The following SLC6A15 variants were observed in gnomAD, a reference collection of about 807,000 sequenced individuals.
The protein encoded by SLC6A15 is solute carrier family 6 member 15.
SLC6A15 carries 33 observed loss-of-function variants against 68.5 expected under a neutral mutation model. The ratio of observed to expected loss-of-function variants is 0.48; its 90% confidence interval spans 0.37 to 0.64. The LOEUF is 0.64. SLC6A15 is among the 30% of genes least tolerant of loss of function. The pLI, the probability that SLC6A15 is intolerant of heterozygous loss-of-function variation, is 0.00. For missense variants in SLC6A15, 747 were observed against 874.3 expected, an observed-to-expected ratio of 0.85 and a Z score of 1.84; for synonymous variants, 347 against 301.0, an observed-to-expected ratio of 1.15 and a Z score of -1.58.
intron 10 of SLC6A15, among the ~76,000 whole-genome samples, chr12:84,864,602 G>C (rs1367421512): frequency 1.3e-5 from 2 of 151,974 alleles, no homozygotes; most frequent in Non-Finnish European, 2.9e-5. Flanking sequence ...TTACAGGCTT[G>C]AGCCACCACA....
intron 1 of SLC6A15, among the ~76,000 whole-genome samples, chr12:84,895,595 C>A (rs886220464): frequency 2.0e-5 from 3 of 151,936 alleles, no homozygotes; most frequent in African/African-American, 4.8e-5. Flanking sequence ...GATCCACCCA[C>A]CTCGGCCTCC....
At position 84,883,928 on chromosome 12, in the gene SLC6A15, G is replaced by T. The variant is rs369689918; in HGVS notation, c.687C>A (p.Thr229=). Reference sequence around the variant, plus strand: ...TGACCCAGGCAGCCAACAAGCAGATGGTCATCTTCCAGTTTAAGCCCCCAC... The same window carrying T: ...TGACCCAGGCAGCCAACAAGCAGATTGTCATCTTCCAGTTTAAGCCCCCAC... The part of the protein sequence containing the change: ...SESGGLNWKM[T]ICLLAAWVMV... The change falls in exon 5 of 12, where the codon ACC becomes ACA. Residue 229 remains threonine (T), a synonymous_variant. Transcript: ENST00000266682. The T allele has an allele frequency of 2.5e-6, 4 of 1,613,902 alleles. No individual in the cohort carries two copies. The highest frequency in any genetic ancestry group is 3.4e-6 in the Non-Finnish European group (4 of 1,179,982).
intron 9 of SLC6A15, among the ~76,000 whole-genome samples, chr12:84,868,679 G>A (rs1382398993): frequency 1.3e-5 from 2 of 152,068 alleles, no homozygotes; most frequent in Admixed American, 6.6e-5. Context: ...GGTCAAACAC[G>A]ACTACGATTT....
chr12:84,886,092 AG>A, intron 2 of SLC6A15, 24 bp from the exon 3 acceptor site: 1 of 1,505,760 alleles, frequency 6.6e-7, no homozygotes. Context: ...AACAAAAAAT[AG>A]ATTATATTTT....
At chr12:84,910,927 C>CTCTCTCTCTCTCT (rs1565736492) in intron 1 of SLC6A15, among the ~76,000 whole-genome samples, 7 of 129,060 alleles carry the variant, frequency 5.4e-5, no homozygotes, top group African/African-American at 2.4e-4. Context: ...CGCCCTCTTT[C>CTCTCTCTCTCTCT]CGTGTGTGTG....
intron 9 of SLC6A15, among the ~76,000 whole-genome samples, chr12:84,868,976 T>C (rs1377631486): frequency 3.3e-5 from 5 of 152,194 alleles, no homozygotes; most frequent in Admixed American, 3.3e-4. Context: ...ATAAAGCAGT[T>C]TCTCATTTCT....
intron 5 of SLC6A15, among the ~76,000 whole-genome samples, chr12:84,879,399 C>T (rs1293187316): frequency 2.0e-5 from 3 of 151,684 alleles, no homozygotes; most frequent in Non-Finnish European, 4.4e-5. Context: ...AATCTCGGCT[C>T]ACTGCAACCA....
At chr12:84,872,355 T>G (rs895159088) in intron 8 of SLC6A15, among the ~76,000 whole-genome samples, 2 of 152,158 alleles carry the variant, frequency 1.3e-5, no homozygotes, top group African/African-American at 4.8e-5. Flanking sequence ...ATTCATATTT[T>G]AAATTATTGT....
chr12:84,870,674 C>A lies in SLC6A15; in HGVS notation c.1303-4G>T, dbSNP rs762375072. ...CTAAGCCGGTCCCCTGAACAGCCTG[C>A]AAAATACACAAAATAGCAACATTAG... On this transcript the variant is annotated splice_polypyrimidine_tract_variant and splice_region_variant and intron_variant, in intron 8 of 11. Coordinates refer to ENST00000266682, the MANE Select transcript of SLC6A15 (RefSeq NM_182767.6). 4 of 1,591,004 alleles carry A rather than the reference C, an allele frequency of 2.5e-6. No homozygotes were observed. The highest frequency in any genetic ancestry group is 1.1e-5 in the South Asian group (1 of 88,920).
intron 1 of SLC6A15, among the ~76,000 whole-genome samples, chr12:84,893,312 C>G (rs1872501699): frequency 6.6e-6 from 1 of 152,080 alleles, no homozygotes; most frequent in Non-Finnish European, 1.5e-5. Flanking sequence ...CATACCCAAT[C>G]ATAAGGAAAA....
In SLC6A15 at chr12:84,883,969, T is replaced by G; in HGVS notation, c.646A>C (p.Ser216Arg). 1 of 1,614,204 alleles carries G rather than the reference T, an allele frequency of 6.2e-7. No homozygotes were observed. Among genetic ancestry groups the G allele is most frequent in the Non-Finnish European group, 8.5e-7 (1 of 1,180,028 alleles). The stretch of plus-strand genomic sequence containing the variant: ...AAGCCCCCACTTTCAGAAATGGAAC[T>G]TGAAATATTCAGTGCTTCCCTGTAC... ...YWYREALNIS[S>R]SISESGGLNW... Residue 216 changes from serine to arginine, a missense_variant, in exon 5 of 12, where the codon AGT (serine) becomes CGT (arginine). Transcript: ENST00000266682.
intron 1 of SLC6A15, among the ~76,000 whole-genome samples, chr12:84,904,943 A>G (rs990979292): frequency 2.6e-5 from 4 of 152,174 alleles, no homozygotes; most frequent in Admixed American, 6.5e-5. Flanking sequence ...TAATTTTAAA[A>G]CTGTCACAAA....
intron 5 of SLC6A15, among the ~76,000 whole-genome samples, chr12:84,878,022 T>C (rs151312201): frequency 2.4e-4 from 36 of 152,204 alleles, no homozygotes; most frequent in African/African-American, 8.4e-4. Context: ...CAGATGATGC[T>C]TCCGGGCAGG....
At chr12:84,862,379 G>A (rs754357101) in intron 11 of SLC6A15, among the ~76,000 whole-genome samples, 2 of 152,092 alleles carry the variant, frequency 1.3e-5, no homozygotes, top group South Asian at 2.1e-4. Context: ...AATCAATGTC[G>A]CTCTTAGCCA....
intron 2 of SLC6A15, among the ~76,000 whole-genome samples, chr12:84,886,578 T>C (rs1218052461): frequency 6.7e-6 from 1 of 150,120 alleles, no homozygotes; most frequent in African/African-American, 2.4e-5. Flanking sequence ...AACGTCTGCT[T>C]AGACTGAAAA....
intron 4 of SLC6A15, among the ~76,000 whole-genome samples, chr12:84,885,124 AT>A: frequency 6.6e-6 from 1 of 152,200 alleles, no homozygotes; most frequent in African/African-American, 2.4e-5. Context: ...GTTAGTTTTA[AT>A]GAAAATGTAA....
At chr12:84,882,464 T>C in intron 5 of SLC6A15, 1 of 949,862 alleles carries the variant, frequency 1.1e-6, no homozygotes, top group Non-Finnish European at 1.3e-6. Context: ...GGAAGATAAA[T>C]GTAAAATCAG....
At chr12:84,894,889 A>G (rs1033505256) in intron 1 of SLC6A15, among the ~76,000 whole-genome samples, 3 of 152,118 alleles carry the variant, frequency 2.0e-5, no homozygotes, top group Non-Finnish European at 4.4e-5. Flanking sequence ...AAATAAATAT[A>G]TACTACAGAT....
chr12:84,887,715 A>C (rs1269097483), intron 2 of SLC6A15, among the ~76,000 whole-genome samples: 1 of 152,008 alleles, frequency 6.6e-6, no homozygotes, highest in East Asian at 1.9e-4. Context: ...AGTAAGAAAA[A>C]AGAGAGAGAG....
Sources: allele counts gnomAD v4.1 joint callset (sites outside exome capture counted in the v4.1 genomes callset), GRCh38; gene constraint gnomAD v4.1.1; transcripts MANE v1.5; gene names NCBI Gene and HGNC (gene_info 2026-07-23, HGNC 2026-07-21).